The following NEBL variants were observed in gnomAD, a reference collection of about 807,000 sequenced individuals.
The protein encoded by NEBL is LIM and SH3 protein 2.
NEBL carries 122 observed loss-of-function variants against 140.2 expected under a neutral mutation model. The ratio of observed to expected loss-of-function variants is 0.87; its 90% CI spans 0.75 to 1.01. The LOEUF is 1.01. Among genes scored for constraint, NEBL ranks in the 50% least tolerant of loss-of-function variants. NEBL has a pLI of 0.00. For synonymous variants in NEBL, 436 were observed against 398.9 expected, an observed-to-expected ratio of 1.09 and a Z score of -1.11; for missense variants, 1,365 against 1,231.3, an observed-to-expected ratio of 1.11 and a Z score of -1.62.
rs899917391 is a variant in NEBL, at chr10:20,988,759, G to A, written c.250-26980C>T. Among the ~76,000 whole-genome samples the A allele has an allele frequency of 3.3e-5, 5 of 152,294 alleles. No homozygotes were observed. The East Asian group carries it at 9.7e-4, about 29-fold the overall frequency. On this transcript the variant is annotated intron_variant, in intron 3 of 6. Coordinates refer to the NEBL transcript ENST00000417816. ...CTTGGGCATGAGCACACTGCAAGCA[G>A]ATGTTTGTCCCACCACACCATGGAA...
chr10:21,274,922 T>A (rs895337087), intron 1 of NEBL, among the ~76,000 whole-genome samples: 5 of 152,116 alleles, frequency 3.3e-5, no homozygotes, highest in African/African-American at 1.2e-4. Flanking sequence ...CTCATCATCT[T>A]CACATTGAGT....
chr10:21,034,686 T>A (rs1477262601), intron 2 of NEBL, among the ~76,000 whole-genome samples: 2 of 152,220 alleles, frequency 1.3e-5, no homozygotes, highest in African/African-American at 4.8e-5. Context: ...GAGGAAACTG[T>A]CTAACGCACT....
intron 2 of NEBL, among the ~76,000 whole-genome samples, chr10:21,065,410 C>T (rs1835491251): frequency 1.3e-5 from 2 of 152,124 alleles, no homozygotes; most frequent in Admixed American, 6.6e-5. Context: ...AAATTAGGTA[C>T]CCAGTCTTGA....
chr10:20,812,694 G>C (rs1838278529), intron 24 of NEBL, 75 bp downstream of exon 24: 1 of 1,559,380 alleles, frequency 6.4e-7, no homozygotes, highest in Admixed American at 1.7e-5. Context: ...GATGACTCAA[G>C]AGGGTAATTC....
chr10:20,806,184 AG>A (rs1420513465), intron 26 of NEBL, among the ~76,000 whole-genome samples: 1 of 152,128 alleles, frequency 6.6e-6, no homozygotes, highest in Non-Finnish European at 1.5e-5. Flanking sequence ...ACAGCCTTGG[AG>A]GAGAGAATGC....
At chr10:21,037,165 C>G (rs1394598635) in intron 2 of NEBL, among the ~76,000 whole-genome samples, 1 of 150,430 alleles carries the variant, frequency 6.6e-6, no homozygotes, top group Non-Finnish European at 1.5e-5. Flanking sequence ...TCAGCCTCCT[C>G]TTTGCTCCTA....
At chr10:21,008,159 C>T (rs113405517) in intron 3 of NEBL, among the ~76,000 whole-genome samples, 4,450 of 152,154 alleles carry the variant, frequency 0.029, 213 homozygotes, top group African/African-American at 0.1. Flanking sequence ...AGGTAGATGT[C>T]ATACAAATGT....
chr10:20,995,613 G>A (rs1220311202), intron 3 of NEBL, among the ~76,000 whole-genome samples: 1 of 152,136 alleles, frequency 6.6e-6, no homozygotes, highest in Non-Finnish European at 1.5e-5. Flanking sequence ...CTGGAGAAAC[G>A]AAATGAACTC....
intron 4 of NEBL, among the ~76,000 whole-genome samples, chr10:20,943,215 T>C (rs1254187932): frequency 1.3e-5 from 2 of 152,110 alleles, no homozygotes; most frequent in African/African-American, 4.8e-5. Context: ...AAAGACTGGA[T>C]TAAGAAAATG....
intron 1 of NEBL, among the ~76,000 whole-genome samples, chr10:21,272,264 A>G (rs11498364): frequency 0.065 from 9,902 of 151,242 alleles, 1,024 homozygotes; most frequent in African/African-American, 0.22. Context: ...CGCACCCGGC[A>G]AATATAAAAA....
intron 3 of NEBL, among the ~76,000 whole-genome samples, chr10:21,206,564 C>T (rs1841828067): frequency 6.6e-6 from 1 of 152,156 alleles, no homozygotes; most frequent in Non-Finnish European, 1.5e-5. Flanking sequence ...CATTGCCTGC[C>T]CATTGCTTAT....
intron 4 of NEBL, among the ~76,000 whole-genome samples, chr10:20,919,121 A>C (rs531543886): frequency 1.3e-5 from 2 of 152,176 alleles, no homozygotes; most frequent in African/African-American, 2.4e-5. Flanking sequence ...TGCTATCCTA[A>C]AAATTCAAAA....
At chr10:20,832,303 A>C (rs1840490881) in intron 14 of NEBL, among the ~76,000 whole-genome samples, 1 of 152,236 alleles carries the variant, frequency 6.6e-6, no homozygotes. Context: ...GCCTCTTTGC[A>C]AACAAGAATG....
At chr10:21,113,228 A>G (rs1838118644) in intron 2 of NEBL, 1 of 331,118 alleles carries the variant, frequency 3.0e-6, no homozygotes, top group African/African-American at 2.3e-5. Flanking sequence ...ATGCACAAAA[A>G]TCATTTCCAC....
At chr10:21,068,865 T>C (rs570803023) in intron 2 of NEBL, among the ~76,000 whole-genome samples, 9 of 152,292 alleles carry the variant, frequency 5.9e-5, no homozygotes, top group African/African-American at 2.2e-4. Flanking sequence ...CATTGTCTCA[T>C]CTTCATCATG....
chr10:21,060,194 G>A (rs114019613), intron 2 of NEBL, among the ~76,000 whole-genome samples: 156 of 152,316 alleles, frequency 1.0e-3, no homozygotes, highest in African/African-American at 3.7e-3. Context: ...AGCTGATTAA[G>A]CCTCTCAGTG....
chr10:20,925,790 C>T (rs1390903695), intron 4 of NEBL, among the ~76,000 whole-genome samples: 1 of 151,544 alleles, frequency 6.6e-6, no homozygotes, highest in African/African-American at 2.4e-5. Flanking sequence ...GCTATTGTCT[C>T]ATGCCGGAAA....
chr10:20,910,067 C>CT (rs1848268052), intron 4 of NEBL, among the ~76,000 whole-genome samples: 1 of 152,112 alleles, frequency 6.6e-6, no homozygotes, highest in Non-Finnish European at 1.5e-5. Context: ...GGGTAGGACT[C>CT]TACTTTAAAA....
chr10:20,949,348 C>T (rs892674809), intron 4 of NEBL, among the ~76,000 whole-genome samples: 10 of 152,010 alleles, frequency 6.6e-5, no homozygotes, highest in Non-Finnish European at 1.2e-4. Context: ...CTAATGCATG[C>T]GGGGTTTAAA....
Sources: allele counts gnomAD v4.1 joint callset (sites outside exome capture counted in the v4.1 genomes callset), GRCh38; gene constraint gnomAD v4.1.1; transcripts MANE v1.5; gene names NCBI Gene and HGNC (gene_info 2026-07-23, HGNC 2026-07-21).